Variants in SHANK2 observed in about 807,000 individuals in gnomAD.
SHANK2 encodes SH3 and multiple ankyrin repeat domains 2, also known as SH3 and multiple ankyrin repeat domains protein 2.
A neutral mutation model predicts 133.7 loss-of-function variants in SHANK2; 43 were observed. The ratio of observed to expected loss-of-function variants is 0.32; its 90% CI spans 0.25 to 0.41. The LOEUF (loss-of-function observed/expected upper bound fraction) is 0.41. Among genes scored for constraint, SHANK2 ranks in the 10% least tolerant of loss-of-function variants. The pLI is 1.00. For missense variants in SHANK2, 1,994 were observed against 2,235.8 expected, an observed-to-expected ratio of 0.89 and a Z score of 2.18; for synonymous variants, 1,017 against 952.8, an observed-to-expected ratio of 1.07 and a Z score of -1.24.
chr11:70,769,182 G>A (rs1358077544), intron 14 of SHANK2, among the ~76,000 whole-genome samples: 1 of 152,148 alleles, frequency 6.6e-6, no homozygotes, highest in East Asian at 1.9e-4. Flanking sequence ...ACTCGCCTGA[G>A]AAGTTCCAGT....
At chr11:71,085,671 T>TTA (rs1162525423) in intron 8 of SHANK2, among the ~76,000 whole-genome samples, 1 of 18,682 alleles carries the variant, frequency 5.4e-5, no homozygotes, top group Non-Finnish European at 1.7e-4. Flanking sequence ...ATTATATATG[T>TTA]TATATATATA....
At chr11:70,822,575 G>A (rs1178286769) in intron 11 of SHANK2, among the ~76,000 whole-genome samples, 4 of 151,172 alleles carry the variant, frequency 2.6e-5, no homozygotes, top group Non-Finnish European at 5.9e-5. Flanking sequence ...AGGTGGCGCT[G>A]GCAGAGTTCA....
chr11:70,888,860 G>C (rs531751297), intron 11 of SHANK2, among the ~76,000 whole-genome samples: 2 of 152,096 alleles, frequency 1.3e-5, no homozygotes, highest in South Asian at 2.1e-4. Flanking sequence ...TGAGAGAAAG[G>C]CTGACTTGGA....
intron 4 of SHANK2, among the ~76,000 whole-genome samples, chr11:71,115,703 G>A (rs535331054): frequency 1.1e-3 from 164 of 152,260 alleles, no homozygotes; most frequent in African/African-American, 3.9e-3. Context: ...GCTGGCTCGA[G>A]GTTGCACAGC....
At chr11:70,941,017 ATGGGTT>A (rs1950639502) in intron 10 of SHANK2, among the ~76,000 whole-genome samples, 1 of 152,190 alleles carries the variant, frequency 6.6e-6, no homozygotes. Flanking sequence ...ATAGAGATTT[ATGGGTT>A]TGAATCCCAG....
At chr11:70,501,693 C>T (rs1555158518) in intron 20 of SHANK2, among the ~76,000 whole-genome samples, 2 of 152,236 alleles carry the variant, frequency 1.3e-5, no homozygotes, top group Non-Finnish European at 1.5e-5. Flanking sequence ...CTGTTGCTTG[C>T]AGACCTTACA....
chr11:70,613,349 G>A lies in SHANK2; in HGVS notation c.2061+46479C>T, dbSNP rs557515187. 4.1e-4 allele frequency among the ~76,000 whole-genome samples: 62 copies of A among 151,814 alleles called. No homozygotes were observed. The South Asian group carries it at 0.01, about 25-fold the overall frequency. The stretch of plus-strand genomic sequence containing the variant: ...CTCCCAAGTAGGTGGGACTACAGGC[G>A]CCCGTTGCCATGTCCAGCTAATTTT... On this transcript the variant is annotated intron_variant, in intron 17 of 25. Transcript: ENST00000601538.
intron 3 of SHANK2, among the ~76,000 whole-genome samples, chr11:71,138,066 G>A (rs1385394447): frequency 1.4e-5 from 2 of 148,044 alleles, no homozygotes; most frequent in Non-Finnish European, 3.0e-5. Flanking sequence ...CTCACAATGG[G>A]TGGGCGCACA....
At chr11:70,665,785 C>G (rs1370651422) in intron 15 of SHANK2, among the ~76,000 whole-genome samples, 1 of 152,200 alleles carries the variant, frequency 6.6e-6, no homozygotes, top group African/African-American at 2.4e-5. Context: ...AGGCGATGCC[C>G]AGTGAATGCT....
intron 21 of SHANK2, among the ~76,000 whole-genome samples, chr11:70,495,327 G>T (rs540030041): frequency 6.6e-6 from 1 of 152,316 alleles, no homozygotes; most frequent in South Asian, 2.1e-4. Flanking sequence ...GGCTGGGGTC[G>T]AATTGGTTTC....
At chr11:70,827,688 AAAACAC>A (rs1361758018) in intron 11 of SHANK2, among the ~76,000 whole-genome samples, 590 of 34,902 alleles carry the variant, frequency 0.017, 6 homozygotes, top group African/African-American at 0.055. Context: ...TCAGAAATTT[AAAACAC>A]ACACACACAC....
intron 17 of SHANK2, among the ~76,000 whole-genome samples, chr11:70,576,175 T>C (rs2060113410): frequency 6.6e-6 from 1 of 152,116 alleles, no homozygotes; most frequent in South Asian, 2.1e-4. Context: ...TTACAAGCCC[T>C]TTGTTGTCAC....
At chr11:71,237,508 TTAAC>T (rs1954839174) in intron 1 of SHANK2, among the ~76,000 whole-genome samples, 1 of 152,110 alleles carries the variant, frequency 6.6e-6, no homozygotes, top group Non-Finnish European at 1.5e-5. Context: ...GCAGCAAAGG[TTAAC>T]TAACACGACC....
At chr11:71,191,024 A>G (rs1953782307) in intron 2 of SHANK2, among the ~76,000 whole-genome samples, 1 of 151,992 alleles carries the variant, frequency 6.6e-6, no homozygotes, top group African/African-American at 2.4e-5. Context: ...CACACCAGAG[A>G]TACCAGGCAC....
chr11:70,898,906 G>A (rs1422257169), intron 10 of SHANK2, among the ~76,000 whole-genome samples: 2 of 152,242 alleles, frequency 1.3e-5, no homozygotes, highest in Non-Finnish European at 2.9e-5. Flanking sequence ...AATGGAAGGT[G>A]ATGGAGATAA....
intron 14 of SHANK2, among the ~76,000 whole-genome samples, chr11:70,714,249 A>G (rs1425358523): frequency 1.3e-5 from 2 of 152,142 alleles, no homozygotes; most frequent in Non-Finnish European, 1.5e-5. Flanking sequence ...CACGGAGGAG[A>G]AGGAGAGAAA....
In SHANK2 at chr11:70,587,698, G is replaced by C. The variant is rs868964525; in HGVS notation, c.2061+72130C>G. On this transcript the variant is annotated intron_variant, in intron 17 of 25. Transcript: ENST00000601538. ...GGCAACCCATTGTTGAGCACGTCCA[G>C]TTTTTTTTTTTTTTTTTTTTTTAAG... 2.6e-3 allele frequency among the ~76,000 whole-genome samples: 316 copies of C among 119,748 alleles called. 2 individuals carry two copies. Among genetic ancestry groups the C allele is most frequent in the African/African-American group, 9.5e-3 (288 of 30,310 alleles). The allele number at this position is 119,748 out of a possible 152,430, so 78.6% of individuals were successfully genotyped here.
chr11:70,720,446 C>T (rs561411338), intron 14 of SHANK2, among the ~76,000 whole-genome samples: 2 of 152,302 alleles, frequency 1.3e-5, no homozygotes, highest in African/African-American at 4.8e-5. Context: ...GGCCCTGTGA[C>T]TCCTTCGTTG....
At chr11:71,224,898 G>A (rs1380434423) in intron 1 of SHANK2, 102 bp from the exon 2 acceptor site, 6 of 152,200 alleles carry the variant, frequency 3.9e-5, no homozygotes, top group African/African-American at 1.4e-4. Context: ...CTAAAAACCA[G>A]GGATCGAACT....
Sources: allele counts gnomAD v4.1 joint callset (sites outside exome capture counted in the v4.1 genomes callset), GRCh38; gene constraint gnomAD v4.1.1; transcripts MANE v1.5; gene names NCBI Gene and HGNC (gene_info 2026-07-23, HGNC 2026-07-21).